CEACAM18: variants seen among roughly 807,000 people sequenced by gnomAD.
CEACAM18 encodes the protein cell adhesion molecule CEACAM18.
CEACAM18 carries 33 observed loss-of-function variants against 34.3 expected under a neutral mutation model. The ratio of observed to expected loss-of-function variants is 0.96; its 90% CI spans 0.73 to 1.29. CEACAM18 has a LOEUF of 1.29. Ranked by LOEUF, CEACAM18 falls within the 50% of genes most tolerant of loss-of-function variation. The probability of loss-of-function intolerance (pLI) is 0.00; values close to 1 mark genes in which losing one functional copy is unlikely to be tolerated. For missense variants in CEACAM18, 474 were observed against 485.0 expected, an observed-to-expected ratio of 0.98 and a Z score of 0.21; for synonymous variants, 169 against 180.9, an observed-to-expected ratio of 0.93 and a Z score of 0.53.
chr19:51,490,790 A>G (rs1443143534), exon 6 of CEACAM18: 1 of 435,248 alleles, frequency 2.3e-6, no homozygotes. Context: ...AGGCTCCAGT[A>G]GGAGGTCTGC....
At chr19:51,480,852 G>A (rs1989902492) in intron 2 of CEACAM18, among the ~76,000 whole-genome samples, 172 bp downstream of exon 2, 1 of 152,150 alleles carries the variant, frequency 6.6e-6, no homozygotes, top group Non-Finnish European at 1.5e-5. Flanking sequence ...TGGGAGGAGA[G>A]GGCGGAGTTG....
At chr19:51,487,957 G>C (rs1338991266) in intron 5 of CEACAM18, among the ~76,000 whole-genome samples, 1 of 152,164 alleles carries the variant, frequency 6.6e-6, no homozygotes, top group Non-Finnish European at 1.5e-5. Flanking sequence ...TGCCAATATA[G>C]ACCATTTCGT....
chr19:51,490,737 C>A, exon 6 of CEACAM18: 1 of 730,820 alleles, frequency 1.4e-6, no homozygotes, highest in Non-Finnish European at 1.9e-6. Flanking sequence ...AGGGTACTGG[C>A]AAGAGAGGGA....
exon 2 of CEACAM18, chr19:51,480,550 C>T (rs752932256): frequency 6.2e-7 from 1 of 1,613,968 alleles, no homozygotes; most frequent in Admixed American, 1.7e-5. Context: ...TGTACACTGG[C>T]AGGGAGAGAG....
At chr19:51,480,481 C>A (rs1224067013) in exon 2 of CEACAM18, 1 of 1,613,746 alleles carries the variant, frequency 6.2e-7, no homozygotes, top group African/African-American at 1.3e-5. Flanking sequence ...GTGCAAACGA[C>A]AGCGCAGGAA....
rs570660106 is a variant in CEACAM18, at chr19:51,481,353, A to T, written c.401-40A>T. On this transcript the variant is annotated intron_variant, in intron 2 of 5. Transcript: ENST00000396477. ...AGAGGAGCAGAGCTTGGGGAAGCAG[A>T]CCCCACTTGTAATTTTTTTCTCTTT... 8.9e-5 allele frequency: 142 copies of T among 1,595,758 alleles called. No individual in the cohort carries two copies. In the South Asian group the frequency reaches 1.5e-3, roughly 17 times the overall value.
At position 51,486,717 on chromosome 19, in the gene CEACAM18, TTCTTTC is replaced by T. The variant is rs1269980651; in HGVS notation, c.1089+1597_1089+1602del. Among the ~76,000 whole-genome samples the T allele has an allele frequency of 7.6e-3, 1,085 of 142,680 alleles. 24 individuals are homozygous for T. The highest frequency in any genetic ancestry group is 0.026 in the African/African-American group (965 of 37,370). The allele number at this position is 142,680 out of a possible 152,430, so 93.6% of individuals were successfully genotyped here. On this transcript the variant is annotated intron_variant, in intron 5 of 5. Transcript: ENST00000396477. ...TTTTCTTTTTCTTTCTTTCTTTCTT[TTCTTTC>T]TTTTTTTTTTTTTATATGGAGTCTC...
intron 1 of CEACAM18, 95 bp downstream of exon 1, chr19:51,478,789 C>A: frequency 1.1e-6 from 1 of 872,850 alleles, no homozygotes; most frequent in Non-Finnish European, 1.6e-6. Context: ...CATCCCCATC[C>A]ACGGGCACAT....
intron 3 of CEACAM18, among the ~76,000 whole-genome samples, chr19:51,481,959 G>T (rs1464575340): frequency 6.6e-6 from 1 of 152,134 alleles, no homozygotes; most frequent in Non-Finnish European, 1.5e-5. Context: ...GTAAAGAGGG[G>T]ACTACTGAAT....
rs1479813477 is a variant in CEACAM18, at chr19:51,486,718, TCTTTC to T, written c.1089+1597_1089+1601del. On this transcript the variant is annotated intron_variant, in intron 5 of 5. Transcript: ENST00000396477. ...TTTCTTTTTCTTTCTTTCTTTCTTT[TCTTTC>T]TTTTTTTTTTTTTATATGGAGTCTC... Among the ~76,000 whole-genome samples, 1,133 of 142,750 alleles carry T rather than the reference TCTTTC, an allele frequency of 7.9e-3. 18 individuals are homozygous for T. The highest frequency in any genetic ancestry group is 0.027 in the African/African-American group (1,007 of 37,542). The allele number at this position is 142,750 out of a possible 152,430, so 93.6% of individuals were successfully genotyped here.
At chr19:51,482,568 G>GCTC (rs1192386709) in intron 3 of CEACAM18, among the ~76,000 whole-genome samples, 2 of 152,184 alleles carry the variant, frequency 1.3e-5, no homozygotes, top group Admixed American at 6.5e-5. Flanking sequence ...CAGGGCAGTT[G>GCTC]CTCCCAGGCC....
intron 4 of CEACAM18, among the ~76,000 whole-genome samples, chr19:51,483,519 G>A (rs1303886000): frequency 6.6e-6 from 1 of 152,246 alleles, no homozygotes; most frequent in African/African-American, 2.4e-5. Flanking sequence ...AGGGGGATAA[G>A]AGTAGCAGAC....
At chr19:51,486,127 T>C (rs373363647) in intron 5 of CEACAM18, among the ~76,000 whole-genome samples, 2 of 150,714 alleles carry the variant, frequency 1.3e-5, no homozygotes, top group African/African-American at 2.5e-5. Context: ...ATGATAGTAA[T>C]AGTGGTGGTG....
At chr19:51,485,215 A>G in intron 5 of CEACAM18, 93 bp downstream of exon 5, 1 of 1,289,456 alleles carries the variant, frequency 7.8e-7, no homozygotes, top group East Asian at 2.6e-5. Flanking sequence ...CAGAGCCAGA[A>G]GGGGAGGGAT....
At chr19:51,483,968 G>A (rs1054951727) in intron 4 of CEACAM18, among the ~76,000 whole-genome samples, 14 of 152,194 alleles carry the variant, frequency 9.2e-5, no homozygotes, top group African/African-American at 3.1e-4. Context: ...GCAGGTAAAT[G>A]CAGGGGCTCT....
At chr19:51,490,683 C>A in exon 6 of CEACAM18, 1 of 1,170,522 alleles carries the variant, frequency 8.5e-7, no homozygotes, top group Non-Finnish European at 1.1e-6. Context: ...GCTGGGGGTC[C>A]CCATAGGGCC....
intron 5 of CEACAM18, among the ~76,000 whole-genome samples, chr19:51,489,432 G>C (rs1990053734): frequency 6.6e-6 from 1 of 151,836 alleles, no homozygotes; most frequent in Non-Finnish European, 1.5e-5. Context: ...ATCATGATTG[G>C]ATCTGGATAC....
At chr19:51,480,485 G>C (rs371514477) in exon 2 of CEACAM18, 2 of 1,613,850 alleles carry the variant, frequency 1.2e-6, no homozygotes, top group Non-Finnish European at 1.7e-6. Context: ...AAACGACAGC[G>C]CAGGAAACAT....
exon 5 of CEACAM18, chr19:51,485,054 G>A: frequency 6.5e-7 from 1 of 1,535,954 alleles, no homozygotes; most frequent in Non-Finnish European, 8.7e-7. Context: ...TCATCATGCT[G>A]ACAGTGCTGG....
Sources: gnomAD v4.1 joint callset for allele counts (sites outside exome capture counted in the v4.1 genomes callset) on GRCh38, gnomAD v4.1.1 for gene constraint, MANE v1.5 for transcripts, NCBI Gene and HGNC (gene_info 2026-07-23, HGNC 2026-07-21) for gene names.